ABCA6: variants seen among roughly 807,000 people sequenced by gnomAD.
The protein encoded by ABCA6 is ATP binding cassette subfamily A member 6.
In ABCA6, 164 loss-of-function variants were observed where a neutral mutation model predicts 191.2. That is an observed-to-expected ratio of 0.86 (90% CI 0.76 to 0.98). ABCA6 has a LOEUF of 0.98. ABCA6 is among the 50% of genes least tolerant of loss of function. The probability of loss-of-function intolerance (pLI) is 0.00; values close to 1 mark genes in which losing one functional copy is unlikely to be tolerated. For synonymous variants in ABCA6, 636 were observed against 647.7 expected (o/e 0.98, Z 0.27); for missense variants, 1,958 against 1,894.1 (o/e 1.03, Z -0.63).
intron 18 of ABCA6, among the ~76,000 whole-genome samples, chr17:69,106,593 G>A (rs1367580924): frequency 1.9e-3 from 196 of 102,106 alleles, no homozygotes; most frequent in Admixed American, 2.8e-3. Context: ...ACTCCATCTC[G>A]AAAAAAAAAA....
chr17:69,084,589 A>G lies in ABCA6; in HGVS notation c.4185-82T>C, dbSNP rs566912016. 3 of 1,189,242 alleles carry G rather than the reference A, an allele frequency of 2.5e-6. 1 individual carries two copies. The Admixed American group carries it at 5.4e-5, about 21-fold the overall frequency. 73.7% of individuals were successfully genotyped at this position (1,189,242 alleles called of 1,614,324 possible). A position where few individuals can be genotyped will look rare whatever the true frequency, so the allele number is the denominator to read the frequency against. On this transcript the variant is annotated intron_variant, in intron 32 of 38. Transcript: ENST00000284425. ...GCACACAGAACAGTAACAGCATTAG[A>G]GGGAAGTTTAGTAATATTATTGTCA...
At chr17:69,093,807 A>G (rs1027489155) in intron 25 of ABCA6, among the ~76,000 whole-genome samples, 2 of 152,248 alleles carry the variant, frequency 1.3e-5, no homozygotes, top group Non-Finnish European at 2.9e-5. Context: ...CCTTTCAGTG[A>G]TAGAAAAATG....
At chr17:69,102,747 T>C in intron 21 of ABCA6, 88 bp downstream of exon 21, 1 of 1,274,188 alleles carries the variant, frequency 7.8e-7, no homozygotes, top group Non-Finnish European at 1.1e-6. Context: ...GTCAAGTTTC[T>C]GTATACTAGC....
At position 69,096,219 on chromosome 17, in the gene ABCA6, T is replaced by G. The variant is rs1358250162; in HGVS notation, c.3408+21A>C. The G allele has an allele frequency of 2.5e-6, 3 of 1,190,058 alleles. No homozygotes were observed. In the African/African-American group the frequency reaches 4.7e-5, roughly 19 times the overall value. The allele number at this position is 1,190,058 out of a possible 1,614,324, so 73.7% of individuals were successfully genotyped here. A position where few individuals can be genotyped will look rare whatever the true frequency, so the allele number is the denominator to read the frequency against. ...TTAAAAAATAACACTATTTCTCTATTTGTATGTATTATATACTTACAAAAA... is the reference window on the plus strand; with the variant it reads ...TTAAAAAATAACACTATTTCTCTATGTGTATGTATTATATACTTACAAAAA... On this transcript the variant is annotated intron_variant, in intron 25 of 38. Coordinates refer to ENST00000284425, the MANE Select transcript of ABCA6 (RefSeq NM_080284.3).
At position 69,096,250 on chromosome 17, in the gene ABCA6, TA is replaced by T; in HGVS notation, c.3397del (p.Tyr1133ThrfsTer14). 6.8e-7 allele frequency: 1 copy of T among 1,466,444 alleles called. No homozygotes were observed. Among genetic ancestry groups the T allele is most frequent in the Non-Finnish European group, 9.2e-7 (1 of 1,088,076 alleles). The allele number at this position is 1,466,444 out of a possible 1,614,324, so 90.8% of individuals were successfully genotyped here. On this transcript the variant is annotated frameshift_variant, in exon 25 of 39. Coordinates refer to ENST00000284425, the MANE Select transcript of ABCA6 (RefSeq NM_080284.3). LOFTEE classifies it high-confidence loss of function. Reference protein sequence around the residue: ...RRKNSGLWSFYFFFASTIMFS... With the variant: ...RRKNSGLWSFXFFFASTIMFS... ...GTATTATATACTTACAAAAAAGAAGTAAAATGACCAAAGGCCACTGTTTTTT... is the reference window on the plus strand; with the variant it reads ...GTATTATATACTTACAAAAAAGAAGTAAATGACCAAAGGCCACTGTTTTTT...
At chr17:69,119,010 G>A (rs1173493212) in intron 10 of ABCA6, among the ~76,000 whole-genome samples, 2 of 151,832 alleles carry the variant, frequency 1.3e-5, no homozygotes, top group South Asian at 2.1e-4. Context: ...AATTCCAAAG[G>A]GAACTGATGC....
Position 69,106,169 on chromosome 17 carries a change from T to C in ABCA6, c.2432A>G (p.Asn811Ser), listed in dbSNP as rs1363080218. The part of the protein sequence containing the change: ...VEMIRDSESL[N>S]EMELAHSSFS... Reference sequence around the variant, plus strand: ...GGAAGAGTGAGCCAGCTCCATTTCATTGAGGCTTTCTGAGTCTCTTATCAT... The same window carrying C: ...GGAAGAGTGAGCCAGCTCCATTTCACTGAGGCTTTCTGAGTCTCTTATCAT... The change falls in exon 19 of 39, where the codon AAT (asparagine) becomes AGT (serine). Residue 811 changes from asparagine to serine, a missense_variant. Physicochemically the swap from Asn to Ser is conservative, Grantham distance 46. Coordinates refer to ENST00000284425, the MANE Select transcript of ABCA6 (RefSeq NM_080284.3). 17 of 1,613,660 alleles carry C rather than the reference T, an allele frequency of 1.1e-5. No homozygotes were observed. The highest frequency in any genetic ancestry group is 2.7e-5 in the African/African-American group (2 of 74,920).
chr17:69,102,643 T>C (rs887725077), intron 21 of ABCA6, among the ~76,000 whole-genome samples, 192 bp downstream of exon 21: 11 of 152,150 alleles, frequency 7.2e-5, no homozygotes, highest in Non-Finnish European at 1.6e-4. Flanking sequence ...GTAAAAGTTA[T>C]CTAATTCAAA....
chr17:69,098,364 T>G (rs910717030), intron 22 of ABCA6: 2 of 212,074 alleles, frequency 9.4e-6, no homozygotes, highest in Admixed American at 1.2e-4. Context: ...AAAATGTGTA[T>G]GTATATACAA....
chr17:69,107,907 T>C (rs1324530531), intron 17 of ABCA6, 95 bp from the exon 18 acceptor site: 7 of 781,066 alleles, frequency 9.0e-6, no homozygotes, highest in Non-Finnish European at 1.4e-5. Context: ...TACATAATAT[T>C]GTTAAGAAAA....
In ABCA6 at chr17:69,096,778, C is replaced by A; in HGVS notation, c.3144G>T (p.Trp1048Cys). 6.5e-7 allele frequency: 1 copy of A among 1,534,194 alleles called. No homozygotes were observed. Among genetic ancestry groups the A allele is most frequent in the South Asian group, 1.3e-5 (1 of 74,768 alleles). ...DYKKNAKSQL[W>C]ISGLYTSAYW... ...AAGCAGAAGTGTAGAGGCCTGAAAT[C>A]CATAGCTGGGACTTAGCATTTTTCT... The change falls in exon 24 of 39, where the codon TGG becomes TGT. Residue 1048 changes from tryptophan (W) to cysteine (C), a missense_variant. Trp to Cys is a radical substitution (Grantham distance 215). Transcript: ENST00000284425.
At chr17:69,138,666 G>A (rs575451894) in intron 2 of ABCA6, among the ~76,000 whole-genome samples, 1 of 151,144 alleles carries the variant, frequency 6.6e-6, no homozygotes, top group Non-Finnish European at 1.5e-5. Flanking sequence ...GAACAAAGCT[G>A]GAGGCATCAC....
At chr17:69,131,706 G>C (rs1462590860) in intron 6 of ABCA6, among the ~76,000 whole-genome samples, 2 of 152,068 alleles carry the variant, frequency 1.3e-5, no homozygotes, top group Non-Finnish European at 2.9e-5. Context: ...AAACATTTCA[G>C]AATCTTTTTT....
chr17:69,140,881 A>G (rs2074016682), intron 1 of ABCA6, 133 bp from the exon 2 acceptor site: 2 of 393,024 alleles, frequency 5.1e-6, no homozygotes, highest in African/African-American at 4.2e-5. Flanking sequence ...TTCACCTCAA[A>G]TATTTCACCT....
chr17:69,113,108 A>G, intron 15 of ABCA6, 114 bp downstream of exon 15: 4 of 1,286,576 alleles, frequency 3.1e-6, no homozygotes, highest in Non-Finnish European at 4.1e-6. Context: ...CCTGACTGCT[A>G]TAGAATGTAG....
intron 23 of ABCA6, among the ~76,000 whole-genome samples, chr17:69,097,084 G>C (rs2073065215): frequency 6.6e-6 from 1 of 152,120 alleles, no homozygotes; most frequent in Non-Finnish European, 1.5e-5. Flanking sequence ...TAATGTTCAA[G>C]GCATTAAACT....
At chr17:69,107,833 T>C in intron 17 of ABCA6, 21 bp from the exon 18 acceptor site, 2 of 1,438,866 alleles carry the variant, frequency 1.4e-6, no homozygotes, top group Non-Finnish European at 1.9e-6. Context: ...AAAATATGAA[T>C]AGATACTTTG....
At chr17:69,116,626 C>T (rs1352995050) in intron 11 of ABCA6, among the ~76,000 whole-genome samples, 2 of 152,046 alleles carry the variant, frequency 1.3e-5, no homozygotes, top group African/African-American at 4.8e-5. Context: ...GAATCTCATA[C>T]ATTGGTGTGT....
At chr17:69,133,982 G>A (rs935093757) in intron 5 of ABCA6, 115 bp from the exon 6 acceptor site, 6 of 682,784 alleles carry the variant, frequency 8.8e-6, no homozygotes, top group Non-Finnish European at 9.4e-6. Flanking sequence ...TTACTGTACT[G>A]TAGTTATGCA....
Sources: allele counts gnomAD v4.1 joint callset (sites outside exome capture counted in the v4.1 genomes callset), GRCh38; gene constraint gnomAD v4.1.1; transcripts MANE v1.5; gene names NCBI Gene and HGNC (gene_info 2026-07-23, HGNC 2026-07-21).